Variants in SCN9A observed in about 807,000 individuals in gnomAD.
SCN9A encodes the protein sodium channel protein type 9 subunit alpha.
SCN9A carries 131 observed loss-of-function variants against 187.0 expected under a neutral mutation model. That is an observed-to-expected ratio of 0.70 (90% CI 0.61 to 0.81). SCN9A has a LOEUF of 0.81. Among genes scored for constraint, SCN9A ranks in the 30% least tolerant of loss-of-function variants. The probability of loss-of-function intolerance (pLI) is 0.00; values close to 1 mark genes in which losing one functional copy is unlikely to be tolerated. For synonymous variants in SCN9A, 809 were observed against 808.6 expected (o/e 1.00, Z -0.01); for missense variants, 2,252 against 2,396.6 (o/e 0.94, Z 1.26).
chr2:166,323,268 C>T (rs933188881), intron 1 of SCN9A, among the ~76,000 whole-genome samples: 11 of 152,064 alleles, frequency 7.2e-5, no homozygotes, highest in African/African-American at 2.7e-4. Context: ...TTCCTTCAAG[C>T]AAAGAAATAT....
chr2:166,297,694 T>C (rs554850576), intron 7 of SCN9A, among the ~76,000 whole-genome samples: 62 of 151,952 alleles, frequency 4.1e-4, no homozygotes, highest in African/African-American at 1.4e-3. Flanking sequence ...ATAGTGGCGA[T>C]CGTTGCACAA....
chr2:166,232,096 G>T (rs1443259498), intron 21 of SCN9A, among the ~76,000 whole-genome samples: 1 of 152,140 alleles, frequency 6.6e-6, no homozygotes, highest in Non-Finnish European at 1.5e-5. Context: ...GGCAGGGGAA[G>T]CATTCCAGAA....
At chr2:166,324,411 A>G (rs1458049378) in intron 1 of SCN9A, among the ~76,000 whole-genome samples, 1 of 152,186 alleles carries the variant, frequency 6.6e-6, no homozygotes, top group East Asian at 1.9e-4. Flanking sequence ...AAATGTAAAG[A>G]TAAATAAAAA....
chr2:166,374,189 C>T (rs1439182877), intron 1 of SCN9A, among the ~76,000 whole-genome samples: 1 of 152,148 alleles, frequency 6.6e-6, no homozygotes, highest in Non-Finnish European at 1.5e-5. Context: ...TGAGCCTAGC[C>T]CTGCACCATA....
chr2:166,363,723 G>A (rs999020279), intron 1 of SCN9A, among the ~76,000 whole-genome samples: 4 of 152,042 alleles, frequency 2.6e-5, no homozygotes, highest in Non-Finnish European at 4.4e-5. Context: ...AGACCTAAAC[G>A]TCAGAGTTAG....
chr2:166,375,024 C>T (rs928211364), intron 1 of SCN9A, among the ~76,000 whole-genome samples: 3 of 151,894 alleles, frequency 2.0e-5, no homozygotes, highest in African/African-American at 7.3e-5. Flanking sequence ...ATATAAGGCA[C>T]GAAAATATCC....
chr2:166,358,604 C>T (rs965906439), intron 1 of SCN9A, among the ~76,000 whole-genome samples: 1 of 151,960 alleles, frequency 6.6e-6, no homozygotes, highest in African/African-American at 2.4e-5. Flanking sequence ...TGTAAGTTTG[C>T]TGTTTTTGTT....
intron 10 of SCN9A, among the ~76,000 whole-genome samples, chr2:166,288,120 T>TATATATATATACACACAC (rs56738765): frequency 2.7e-3 from 372 of 135,446 alleles, no homozygotes; most frequent in East Asian, 8.8e-3. Flanking sequence ...TATATATATA[T>TATATATATATACACACAC]ACACACACAT....
chr2:166,289,893 A>T (rs1203416512), intron 9 of SCN9A, among the ~76,000 whole-genome samples: 3 of 152,264 alleles, frequency 2.0e-5, no homozygotes, highest in African/African-American at 7.2e-5. Context: ...TCTAATGGCC[A>T]GTGATGATGA....
At chr2:166,371,489 G>T (rs766393434) in intron 1 of SCN9A, among the ~76,000 whole-genome samples, 1 of 152,082 alleles carries the variant, frequency 6.6e-6, no homozygotes, top group Non-Finnish European at 1.5e-5. Context: ...TTCCAGCAAG[G>T]CAGAGGAAAG....
At chr2:166,279,755 C>T (rs6724623) in intron 14 of SCN9A, among the ~76,000 whole-genome samples, 84,299 of 151,818 alleles carry the variant, frequency 0.56, 24,679 homozygotes, top group African/African-American at 0.75. Context: ...AAGCAGAAAG[C>T]ATTTAATCCT....
chr2:166,345,323 A>G (rs1699874444), intron 1 of SCN9A, among the ~76,000 whole-genome samples: 1 of 152,068 alleles, frequency 6.6e-6, no homozygotes, highest in South Asian at 2.1e-4. Flanking sequence ...AAAAATATGC[A>G]TAAAGCAGCT....
At chr2:166,260,546 T>G (rs1011104904) in intron 17 of SCN9A, among the ~76,000 whole-genome samples, 4 of 151,900 alleles carry the variant, frequency 2.6e-5, no homozygotes, top group African/African-American at 7.2e-5. Context: ...TTATAATTTT[T>G]TGTATATTTA....
chr2:166,223,368 A>T (rs189359370), intron 24 of SCN9A, among the ~76,000 whole-genome samples: 1 of 152,326 alleles, frequency 6.6e-6, no homozygotes, highest in Non-Finnish European at 1.5e-5. Flanking sequence ...GTGCGTGTGC[A>T]CGTACACACA....
chr2:166,307,257 A>G (rs1370578651), intron 2 of SCN9A, among the ~76,000 whole-genome samples, 183 bp from the exon 3 acceptor site: 1 of 152,202 alleles, frequency 6.6e-6, no homozygotes, highest in Non-Finnish European at 1.5e-5. Context: ...AATGAACTCC[A>G]AGTCCACTTC....
intron 2 of SCN9A, among the ~76,000 whole-genome samples, chr2:166,308,970 C>A (rs529209086): frequency 2.1e-5 from 3 of 140,546 alleles, no homozygotes; most frequent in Admixed American, 1.4e-4. Context: ...TAGTCAGAAA[C>A]TATATCATAA....
rs768654039 is a variant in SCN9A at position 166,272,461 on chromosome 2, C to T, written c.3289G>A (p.Asp1097Asn). The T allele has an allele frequency of 5.6e-6, 9 of 1,611,370 alleles. No individual in the cohort carries two copies. Among genetic ancestry groups the T allele is most frequent in the East Asian group, 2.2e-5 (1 of 44,712 alleles). ...VTVPIAPGESDLENMNAEELS... is the reference protein window; with the variant it reads ...VTVPIAPGESNLENMNAEELS... The stretch of plus-strand genomic sequence containing the variant: ...TCCTCAGCATTCATATTTTCCAAAT[C>T]GGATTCCCCAGGTGCAATTGGCACT... Residue 1097 changes from aspartate (D) to asparagine (N), a missense_variant, in exon 17 of 27, where the codon GAT becomes AAT. Transcript: ENST00000642356.
intron 24 of SCN9A, among the ~76,000 whole-genome samples, chr2:166,220,687 T>C (rs1341396335): frequency 6.6e-6 from 1 of 152,160 alleles, no homozygotes; most frequent in East Asian, 1.9e-4. Flanking sequence ...CAAAGACTAC[T>C]TGAAAATCCC....
intron 1 of SCN9A, among the ~76,000 whole-genome samples, chr2:166,369,334 G>A (rs546625033): frequency 6.6e-6 from 1 of 152,166 alleles, no homozygotes; most frequent in African/African-American, 2.4e-5. Context: ...ATTTATCTGT[G>A]CTTTTAACAC....
Sources: gnomAD v4.1 joint callset for allele counts (sites outside exome capture counted in the v4.1 genomes callset) on GRCh38, gnomAD v4.1.1 for gene constraint, MANE v1.5 for transcripts, NCBI Gene and HGNC (gene_info 2026-07-23, HGNC 2026-07-21) for gene names.